The following PCID2 variants were observed in gnomAD, a reference collection of about 807,000 sequenced individuals.
PCID2 encodes PCI domain-containing protein 2.
A neutral mutation model predicts 61.3 loss-of-function variants in PCID2; 41 were observed. That is an observed-to-expected ratio of 0.67 (90% CI 0.52 to 0.87). The LOEUF is 0.87. PCID2 is among the 40% of genes least tolerant of loss of function. The probability of loss-of-function intolerance (pLI) is 0.00; values close to 1 mark genes in which losing one functional copy is unlikely to be tolerated. For synonymous variants in PCID2, 187 were observed against 177.8 expected, an observed-to-expected ratio of 1.05 and a Z score of -0.41; for missense variants, 392 against 493.4, an observed-to-expected ratio of 0.79 and a Z score of 1.95.
the PCID2 span, among the ~76,000 whole-genome samples, chr13:113,170,813 A>T: frequency 3.9e-5 from 6 of 152,068 alleles, no homozygotes; most frequent in African/African-American, 1.4e-4. Context: ...CAGTTGTGGC[A>T]TAAGAGATGG....
chr13:113,178,911 C>A, intron 13 of PCID2, 55 bp downstream of exon 13: 1 of 1,552,708 alleles, frequency 6.4e-7, no homozygotes, highest in South Asian at 1.2e-5. Flanking sequence ...GCTTCAAATT[C>A]TGGGCTGAAT....
intron 4 of PCID2, 58 bp downstream of exon 4, chr13:113,197,120 C>G: frequency 6.2e-7 from 1 of 1,614,150 alleles, no homozygotes; most frequent in South Asian, 1.1e-5. Flanking sequence ...TCTCAAGTCC[C>G]AAGTAATCCA....
At chr13:113,197,820 G>A (rs931764966) in intron 3 of PCID2, among the ~76,000 whole-genome samples, 22 of 152,196 alleles carry the variant, frequency 1.4e-4, no homozygotes, top group African/African-American at 5.1e-4. Context: ...TAAAACAGTA[G>A]ATATGAAGTG....
intron 4 of PCID2, among the ~76,000 whole-genome samples, chr13:113,196,624 C>G (rs995594225): frequency 1.3e-5 from 2 of 152,180 alleles, no homozygotes; most frequent in Non-Finnish European, 2.9e-5. Context: ...GAGCAAATAG[C>G]CCAACTCTCT....
intron 3 of PCID2, among the ~76,000 whole-genome samples, chr13:113,197,621 C>T (rs2039116545): frequency 6.6e-6 from 1 of 152,216 alleles, no homozygotes; most frequent in East Asian, 1.9e-4. Context: ...GCTAGGAAAT[C>T]ACAGGTGCTT....
chr13:113,183,802 C>T (rs546845162), intron 9 of PCID2: 1 of 984,998 alleles, frequency 1.0e-6, no homozygotes, highest in Admixed American at 6.1e-5. Flanking sequence ...TAAACTAATA[C>T]AATAGTGTCA....
At chr13:113,199,028 T>C (rs1278746198) in intron 2 of PCID2, among the ~76,000 whole-genome samples, 1 of 152,236 alleles carries the variant, frequency 6.6e-6, no homozygotes, top group African/African-American at 2.4e-5. Context: ...TTCTAAGTTT[T>C]CCTTTCCTCC....
chr13:113,203,649 T>C (rs985678315), intron 1 of PCID2, among the ~76,000 whole-genome samples: 16 of 152,178 alleles, frequency 1.1e-4, no homozygotes, highest in Non-Finnish European at 2.1e-4. Flanking sequence ...CGGTGTCCCC[T>C]GCCCACGCCC....
At chr13:113,193,528 C>T (rs779650140) in intron 6 of PCID2, among the ~76,000 whole-genome samples, 51 of 152,116 alleles carry the variant, frequency 3.4e-4, no homozygotes, top group Non-Finnish European at 6.5e-4. Flanking sequence ...TGTGACACTA[C>T]TTTTCTTAGT....
At chr13:113,165,271 C>T in the PCID2 span, 1 of 758,634 alleles carries the variant, frequency 1.3e-6, no homozygotes, top group Non-Finnish European at 2.3e-6. Flanking sequence ...ATTCACACTT[C>T]CAACCATGTT....
Position 113,179,360 on chromosome 13 carries a change from T to A in PCID2, c.987-271A>T, listed in dbSNP as rs1420328759. Among the ~76,000 whole-genome samples, 1 of 151,996 alleles carries A rather than the reference T, an allele frequency of 6.6e-6. No homozygotes were observed. The highest frequency in any genetic ancestry group is 1.5e-5 in the Non-Finnish European group (1 of 67,982). ...TTTTCACATTTTAATCTCCCTGAAA[T>A]CAGGAAGCACCTGACAATGGGCTGT... On this transcript the variant is annotated intron_variant, in intron 12 of 13. Coordinates refer to ENST00000337344, the MANE Select transcript of PCID2 (RefSeq NM_001127202.4). This position sits in a 1 kb window ranked among gnomAD's most constrained non-coding sequence, Gnocchi z 4.3.
At chr13:113,168,477 C>G in the PCID2 span, among the ~76,000 whole-genome samples, 4 of 152,236 alleles carry the variant, frequency 2.6e-5, no homozygotes, top group African/African-American at 9.6e-5. Flanking sequence ...TGGGCCTGCC[C>G]CACTGCCTTC....
At chr13:113,194,111 C>G (rs1042734899) in intron 6 of PCID2, among the ~76,000 whole-genome samples, 5 of 152,184 alleles carry the variant, frequency 3.3e-5, no homozygotes, top group African/African-American at 9.6e-5. Context: ...CTGACATCCA[C>G]CTGGTGGGGA....
intron 8 of PCID2, 95 bp from the exon 9 acceptor site, chr13:113,184,582 C>T (rs1045219600): frequency 1.7e-5 from 12 of 715,306 alleles, no homozygotes; most frequent in East Asian, 2.7e-5. Context: ...ATGCAAATTA[C>T]AAAACCTATT....
chr13:113,208,090 A>G, intron 1 of PCID2: 1 of 1,612,540 alleles, frequency 6.2e-7, no homozygotes, highest in Non-Finnish European at 8.5e-7. Context: ...GTGCTCGGAG[A>G]GTGAAGGGCG....
At position 113,181,115 on chromosome 13, in the gene PCID2, G is replaced by T. The variant is rs761902111; in HGVS notation, c.786+15C>A. The T allele has an allele frequency of 2.8e-5, 42 of 1,507,966 alleles. No homozygotes were observed. Among genetic ancestry groups the T allele is most frequent in the Non-Finnish European group, 3.5e-5 (38 of 1,083,130 alleles). 93.4% of individuals were successfully genotyped at this position (1,507,966 alleles called of 1,614,324 possible). ...AAGCACCAGGATCTATAAACATGGA[G>T]TAATAATCACTCACCAATAGCATTT... On this transcript the variant is annotated intron_variant, in intron 10 of 13. Coordinates refer to ENST00000337344, the MANE Select transcript of PCID2 (RefSeq NM_001127202.4).
intron 13 of PCID2, 25 bp from the exon 14 acceptor site, chr13:113,178,312 C>T (rs1225968692): frequency 2.5e-6 from 4 of 1,574,050 alleles, no homozygotes; most frequent in Admixed American, 1.7e-5. Flanking sequence ...GGGAGGAATG[C>T]GTTTACATTT....
chr13:113,200,250 A>ACATAGT (rs2039318449), intron 2 of PCID2, among the ~76,000 whole-genome samples, 177 bp downstream of exon 2: 1 of 152,390 alleles, frequency 6.6e-6, no homozygotes, highest in African/African-American at 2.4e-5. Flanking sequence ...CAGTGTGCGT[A>ACATAGT]CATAGTCAGT....
chr13:113,171,532 T>C, the PCID2 span: 1 of 1,608,408 alleles, frequency 6.2e-7, no homozygotes, highest in Non-Finnish European at 8.5e-7. The surrounding 1 kb of genome is among the most constrained non-coding windows in gnomAD (Gnocchi z 5.1). Flanking sequence ...AGAAGCTCGT[T>C]TGAGCATTAT....
Sources: allele counts gnomAD v4.1 joint callset (sites outside exome capture counted in the v4.1 genomes callset), GRCh38; gene constraint gnomAD v4.1.1; non-coding constraint Gnocchi (gnomAD v3.1); transcripts MANE v1.5; gene names NCBI Gene and HGNC (gene_info 2026-07-23, HGNC 2026-07-21).